The following LRP1B variants were observed in gnomAD, a reference collection of about 807,000 sequenced individuals.
LRP1B encodes low-density lipoprotein receptor-related protein 1B.
LRP1B carries 217 observed loss-of-function variants against 556.6 expected under a neutral mutation model. That is an observed-to-expected ratio of 0.39 (90% CI 0.35 to 0.44). LRP1B has a LOEUF of 0.44. Among genes scored for constraint, LRP1B ranks in the 20% least tolerant of loss-of-function variants. The probability of loss-of-function intolerance (pLI) is 1.00; values close to 1 mark genes in which losing one functional copy is unlikely to be tolerated. For synonymous variants in LRP1B, 2,047 were observed against 1,865.8 expected, an observed-to-expected ratio of 1.10 and a Z score of -2.50; for missense variants, 5,053 against 5,620.8, an observed-to-expected ratio of 0.90 and a Z score of 3.23.
chr2:140,395,095 CCTGA>C (rs886897047), intron 66 of LRP1B, among the ~76,000 whole-genome samples: 1 of 152,144 alleles, frequency 6.6e-6, no homozygotes, highest in African/African-American at 2.4e-5. Flanking sequence ...GCAGACAAAT[CCTGA>C]CTAATGGGAA....
chr2:141,225,573 A>G (rs974751324), intron 6 of LRP1B, among the ~76,000 whole-genome samples: 4 of 152,168 alleles, frequency 2.6e-5, no homozygotes, highest in African/African-American at 9.7e-5. Context: ...ACTTTTTTAA[A>G]AAACAAGTTT....
At chr2:141,137,882 T>G (rs1310419313) in intron 7 of LRP1B, among the ~76,000 whole-genome samples, 3 of 137,626 alleles carry the variant, frequency 2.2e-5, no homozygotes, top group African/African-American at 8.4e-5. Flanking sequence ...ATGTTATGGA[T>G]TTTTTTTTTT....
At position 141,131,798 on chromosome 2, in the gene LRP1B, A is replaced by G. The variant is rs972961700; in HGVS notation, c.1013+56623T>C. 3.3e-5 allele frequency among the ~76,000 whole-genome samples: 5 copies of G among 151,988 alleles called. No homozygotes were observed. In the East Asian group the frequency reaches 9.7e-4, roughly 29 times the overall value. ...TTGATAGTGTACTATGGTAACATGA[A>G]TATTATGAATTCTCTCATACTGTTG... is the stretch of plus-strand genomic sequence containing the variant. On this transcript the variant is annotated intron_variant, in intron 7 of 90. Transcript: ENST00000389484.
chr2:140,536,564 C>A lies in LRP1B; in HGVS notation c.7642+17G>T, dbSNP rs763357619. 1.4e-5 allele frequency: 23 copies of A among 1,593,814 alleles called. No individual in the cohort carries two copies. The East Asian group carries it at 5.2e-4, about 36-fold the overall frequency. On this transcript the variant is annotated intron_variant, in intron 46 of 90. Coordinates refer to ENST00000389484, the MANE Select transcript of LRP1B (RefSeq NM_018557.3). ...AAAACTTTATCTGAAACGAGCAAACCCATATTGGACACTTACCACAGTAGA... is the reference window on the plus strand; with the variant it reads ...AAAACTTTATCTGAAACGAGCAAACACATATTGGACACTTACCACAGTAGA...
chr2:141,034,311 T>C (rs887078460), intron 11 of LRP1B, among the ~76,000 whole-genome samples: 2 of 152,172 alleles, frequency 1.3e-5, no homozygotes, highest in Non-Finnish European at 2.9e-5. Context: ...AATATCTTCA[T>C]GTCTAAAACA....
At chr2:141,217,887 A>G (rs1206911289) in intron 6 of LRP1B, among the ~76,000 whole-genome samples, 1 of 152,164 alleles carries the variant, frequency 6.6e-6, no homozygotes, top group African/African-American at 2.4e-5. Context: ...ACTTAAATAA[A>G]TGAATAAATA....
chr2:142,037,802 AT>A (rs377767123), intron 1 of LRP1B, among the ~76,000 whole-genome samples: 13 of 151,492 alleles, frequency 8.6e-5, no homozygotes, highest in South Asian at 2.1e-4. Context: ...TACCCTAAAC[AT>A]TTTTTTTAAG....
At chr2:140,478,107 T>A (rs370112517) in intron 59 of LRP1B, among the ~76,000 whole-genome samples, 8 of 152,018 alleles carry the variant, frequency 5.3e-5, no homozygotes, top group East Asian at 3.8e-4. Flanking sequence ...AAATGACGTT[T>A]TATTTCTTTC....
intron 7 of LRP1B, among the ~76,000 whole-genome samples, chr2:141,063,628 C>G (rs1287385608): frequency 1.3e-5 from 2 of 151,654 alleles, no homozygotes; most frequent in Admixed American, 6.6e-5. Context: ...TCCCTCTCCC[C>G]CTCCGTCTCT....
In LRP1B at chr2:140,965,694, T is replaced by A. The variant is rs76655697; in HGVS notation, c.2888-13754A>T. 3.3e-5 allele frequency among the ~76,000 whole-genome samples: 5 copies of A among 152,214 alleles called. No individual in the cohort carries two copies. The South Asian group carries it at 6.2e-4, about 19-fold the overall frequency. On this transcript the variant is annotated intron_variant, in intron 18 of 90. Coordinates refer to ENST00000389484, the MANE Select transcript of LRP1B (RefSeq NM_018557.3). ...TACATTAGGTATATCTCCTAATGCT[T>A]TCCCTCCCCACTCCCCTCTACCCCA... is the stretch of plus-strand genomic sequence containing the variant.
chr2:141,915,883 C>A (rs1324708028), intron 1 of LRP1B, among the ~76,000 whole-genome samples: 1 of 152,152 alleles, frequency 6.6e-6, no homozygotes, highest in Non-Finnish European at 1.5e-5. Flanking sequence ...AATGAGATAT[C>A]ATCTCACACC....
At chr2:141,213,236 C>A (rs1445996537) in intron 6 of LRP1B, among the ~76,000 whole-genome samples, 1 of 149,912 alleles carries the variant, frequency 6.7e-6, no homozygotes, top group South Asian at 2.2e-4. Flanking sequence ...CAGACATGAG[C>A]CCCCATGCCC....
Position 140,867,852 on chromosome 2 carries a change from C to A in LRP1B, c.4335-18G>T. On this transcript the variant is annotated intron_variant, in intron 26 of 90. Transcript: ENST00000389484. ...CATCTGACCTACAGAAAGATAAATA[C>A]ATGAGTAGTTTGTCAAAACTCATTC... 1 of 1,501,454 alleles carries A rather than the reference C, an allele frequency of 6.7e-7. No individual in the cohort carries two copies. 93.0% of individuals were successfully genotyped at this position (1,501,454 alleles called of 1,614,324 possible).
At chr2:141,498,019 G>A (rs970059561) in intron 2 of LRP1B, among the ~76,000 whole-genome samples, 4 of 151,842 alleles carry the variant, frequency 2.6e-5, no homozygotes, top group Non-Finnish European at 2.9e-5. Flanking sequence ...CTTTTCAAAA[G>A]TACATCTCTA....
At chr2:141,718,656 G>T (rs1049265328) in intron 2 of LRP1B, among the ~76,000 whole-genome samples, 2 of 152,042 alleles carry the variant, frequency 1.3e-5, no homozygotes, top group Non-Finnish European at 2.9e-5. Context: ...TATGTTTTAC[G>T]TACTACAGCA....
intron 47 of LRP1B, among the ~76,000 whole-genome samples, chr2:140,530,502 C>T (rs75106406): frequency 2.0e-5 from 3 of 152,008 alleles, no homozygotes; most frequent in African/African-American, 4.8e-5. Flanking sequence ...GGGAAGTCTT[C>T]CTTCTATATC....
chr2:141,648,911 C>G lies in LRP1B; in HGVS notation c.205+161368G>C, dbSNP rs560196362. On this transcript the variant is annotated intron_variant, in intron 2 of 90. Coordinates refer to ENST00000389484, the MANE Select transcript of LRP1B (RefSeq NM_018557.3). ...GATCTGCCTGAAATTGTTTCTTACT[C>G]TACACAATTCTGCTTATAGCATTTA... 7.9e-5 allele frequency among the ~76,000 whole-genome samples: 12 copies of G among 152,288 alleles called. 1 individual carries two copies. In the South Asian group the frequency reaches 2.5e-3, roughly 32 times the overall value.
chr2:141,072,606 T>C (rs1355511189), intron 7 of LRP1B, among the ~76,000 whole-genome samples: 1 of 151,908 alleles, frequency 6.6e-6, no homozygotes, highest in Non-Finnish European at 1.5e-5. Context: ...CAGTCTCAGG[T>C]ACTCCCTCTG....
chr2:140,392,170 TCTTTC>T (rs1333381699), intron 66 of LRP1B, among the ~76,000 whole-genome samples: 5 of 152,200 alleles, frequency 3.3e-5, no homozygotes, highest in Non-Finnish European at 2.9e-5. Context: ...CCTGTCTTTC[TCTTTC>T]ATTTCATTCT....
Sources: gnomAD v4.1 joint callset for allele counts (sites outside exome capture counted in the v4.1 genomes callset) on GRCh38, gnomAD v4.1.1 for gene constraint, MANE v1.5 for transcripts, NCBI Gene and HGNC (gene_info 2026-07-23, HGNC 2026-07-21) for gene names.